Variants in PLPP4 observed in about 807,000 individuals in gnomAD.
PLPP4 encodes diacylglycerol pyrophosphate like 2.
PLPP4 carries 20 observed loss-of-function variants against 32.2 expected under a neutral mutation model. That is an observed-to-expected ratio of 0.62 (90% CI 0.44 to 0.90). The LOEUF (loss-of-function observed/expected upper bound fraction) is 0.90. Ranked by LOEUF, PLPP4 falls within the 40% of genes least tolerant of loss-of-function variation. The pLI, the probability that PLPP4 is intolerant of heterozygous loss-of-function variation, is 0.00. For synonymous variants in PLPP4, 127 were observed against 133.0 expected (o/e 0.95, Z 0.31); for missense variants, 257 against 353.1 (o/e 0.73, Z 2.18).
intron 5 of PLPP4, among the ~76,000 whole-genome samples, chr10:120,550,058 G>A (rs78229096): frequency 0.022 from 3,359 of 151,898 alleles, 48 homozygotes; most frequent in Middle Eastern, 0.038. Flanking sequence ...CAGATAACAC[G>A]ATTATTTGTT....
chr10:120,512,109 T>G (rs1016419092), intron 2 of PLPP4, among the ~76,000 whole-genome samples: 6 of 151,764 alleles, frequency 4.0e-5, no homozygotes, highest in Non-Finnish European at 8.8e-5. Context: ...AAAAACAAAA[T>G]GTACATTTCC....
rs1849920126 is a variant in PLPP4 at position 120,589,489 on chromosome 10, A to T, written c.803A>T (p.Glu268Val). 6.2e-7 allele frequency: 1 copy of T among 1,614,002 alleles called. No homozygotes were observed. Among genetic ancestry groups the T allele is most frequent in the Non-Finnish European group, 8.5e-7 (1 of 1,179,978 alleles). Residue 268 changes from glutamate (E) to valine (V), a missense_variant, in exon 7 of 7, where the codon GAA becomes GTA. Transcript: ENST00000398250. ...APSLPLEGIT[E>V]GPV ...AGCTTGCCTCTGGAGGGGATCACCG[A>T]AGGCCCGGTATGACCAGTGTCCTGG...
intron 1 of PLPP4, among the ~76,000 whole-genome samples, chr10:120,502,197 T>C (rs1845288068): frequency 6.6e-6 from 1 of 152,134 alleles, no homozygotes; most frequent in Admixed American, 6.5e-5. Flanking sequence ...ATCTGGCAAA[T>C]AGCTACAAGC....
At chr10:120,546,523 A>G (rs1468327145) in intron 5 of PLPP4, among the ~76,000 whole-genome samples, 1 of 151,996 alleles carries the variant, frequency 6.6e-6, no homozygotes, top group Non-Finnish European at 1.5e-5. Flanking sequence ...ACCAGTTTGC[A>G]TTTTCTCTCC....
intron 1 of PLPP4, among the ~76,000 whole-genome samples, chr10:120,467,153 A>C (rs1407039033): frequency 4.6e-5 from 6 of 131,566 alleles, no homozygotes; most frequent in African/African-American, 1.6e-4. Context: ...ATCTCGGCTC[A>C]CTGCAAGCTC....
At chr10:120,537,451 T>C (rs2133951440) in intron 5 of PLPP4, among the ~76,000 whole-genome samples, 1 of 152,318 alleles carries the variant, frequency 6.6e-6, no homozygotes, top group African/African-American at 2.4e-5. Context: ...GAAAGACAAC[T>C]ACTGCATGAT....
intron 5 of PLPP4, among the ~76,000 whole-genome samples, chr10:120,555,112 G>A (rs1441725551): frequency 1.3e-5 from 2 of 151,840 alleles, no homozygotes; most frequent in African/African-American, 4.8e-5. Flanking sequence ...GAAGAGAGTG[G>A]GGAAAATACA....
chr10:120,521,624 G>A (rs1251729198), intron 5 of PLPP4, among the ~76,000 whole-genome samples: 3 of 152,178 alleles, frequency 2.0e-5, no homozygotes, highest in Non-Finnish European at 4.4e-5. Flanking sequence ...CAGAAGCCGT[G>A]CAATGTAGCT....
intron 5 of PLPP4, among the ~76,000 whole-genome samples, chr10:120,531,047 T>C (rs1407916782): frequency 6.6e-6 from 1 of 151,404 alleles, no homozygotes; most frequent in Non-Finnish European, 1.5e-5. Flanking sequence ...GAAGAAAGAA[T>C]AGAAGAAAGA....
At chr10:120,521,475 TATATAGCACATATGTATAC>T (rs1846153127) in intron 5 of PLPP4, among the ~76,000 whole-genome samples, 4 of 152,230 alleles carry the variant, frequency 2.6e-5, no homozygotes, top group Admixed American at 2.6e-4. Context: ...TGTACACAAA[TATATAGCACATATGTATAC>T]ATATATACAT....
intron 1 of PLPP4, among the ~76,000 whole-genome samples, chr10:120,489,630 C>T (rs749110460): frequency 9.3e-4 from 142 of 151,944 alleles, no homozygotes; most frequent in Admixed American, 2.6e-3. Context: ...TGAGTGCTGC[C>T]GTGGGGAGAT....
At chr10:120,530,957 T>G (rs1284763175) in intron 5 of PLPP4, among the ~76,000 whole-genome samples, 1 of 152,184 alleles carries the variant, frequency 6.6e-6, no homozygotes, top group Non-Finnish European at 1.5e-5. Context: ...TCTTACTACA[T>G]TAATTGGTGG....
chr10:120,481,747 A>G (rs772636551), intron 1 of PLPP4, among the ~76,000 whole-genome samples: 1 of 152,142 alleles, frequency 6.6e-6, no homozygotes. Flanking sequence ...TGATGCTGAG[A>G]TTCTACTGTG....
intron 6 of PLPP4, 126 bp from the exon 7 acceptor site, chr10:120,589,177 T>C (rs1849901516): frequency 2.3e-6 from 2 of 855,362 alleles, no homozygotes; most frequent in Admixed American, 4.4e-5. Context: ...TCCTTTAGTC[T>C]TTCAGGGGGT....
At chr10:120,571,259 C>A (rs150601810) in intron 5 of PLPP4, among the ~76,000 whole-genome samples, 2 of 152,104 alleles carry the variant, frequency 1.3e-5, no homozygotes, top group East Asian at 1.9e-4. Flanking sequence ...GTAATGTTAG[C>A]AGGATATGAG....
intron 5 of PLPP4, among the ~76,000 whole-genome samples, chr10:120,528,078 T>TG (rs904145287): frequency 4.3e-5 from 6 of 139,798 alleles, no homozygotes; most frequent in East Asian, 2.1e-4. Flanking sequence ...CGTTTTTTTT[T>TG]TTTTTTTTTT....
chr10:120,464,813 T>C (rs1002111301), intron 1 of PLPP4, among the ~76,000 whole-genome samples: 1 of 152,204 alleles, frequency 6.6e-6, no homozygotes, highest in Admixed American at 6.5e-5. Flanking sequence ...GTGCTTTTCA[T>C]CAGGCACCCT....
intron 5 of PLPP4, among the ~76,000 whole-genome samples, chr10:120,537,854 A>C (rs1331478901): frequency 6.6e-6 from 1 of 151,918 alleles, no homozygotes; most frequent in East Asian, 1.9e-4. Context: ...AAACAATTAA[A>C]GATCTAAATA....
chr10:120,543,674 A>G (rs970087872), intron 5 of PLPP4, among the ~76,000 whole-genome samples: 2 of 152,156 alleles, frequency 1.3e-5, no homozygotes, highest in Admixed American at 6.5e-5. Context: ...CGTTAAGTAC[A>G]TTCACAGCGT....
Sources: gnomAD v4.1 joint callset for allele counts (sites outside exome capture counted in the v4.1 genomes callset) on GRCh38, gnomAD v4.1.1 for gene constraint, MANE v1.5 for transcripts, NCBI Gene and HGNC (gene_info 2026-07-23, HGNC 2026-07-21) for gene names.